WDPCP: variants seen among roughly 807,000 people sequenced by gnomAD.
WDPCP encodes the protein WD repeat-containing and planar cell polarity effector protein fritz homolog.
WDPCP carries 71 observed loss-of-function variants against 93.1 expected under a neutral mutation model. That is an observed-to-expected ratio of 0.76 (90% CI 0.63 to 0.93). The LOEUF is 0.93. WDPCP is among the 40% of genes least tolerant of loss of function. WDPCP has a pLI of 0.00. For missense variants in WDPCP, 844 were observed against 887.4 expected (o/e 0.95, Z 0.62); for synonymous variants, 315 against 315.0 (o/e 1.00, Z 0.00).
At chr2:63,183,873 T>C (rs1674432008) in intron 14 of WDPCP, among the ~76,000 whole-genome samples, 1 of 151,990 alleles carries the variant, frequency 6.6e-6, no homozygotes, top group African/African-American at 2.4e-5. Flanking sequence ...CATTATATAA[T>C]GACTGACTTT....
intron 2 of WDPCP, among the ~76,000 whole-genome samples, chr2:63,676,204 A>T: frequency 6.6e-6 from 1 of 152,234 alleles, no homozygotes; most frequent in East Asian, 1.9e-4. Flanking sequence ...CAAGAATCCA[A>T]AAGAAGAAGA....
chr2:63,436,167 A>T (rs994094237), intron 8 of WDPCP, among the ~76,000 whole-genome samples: 2 of 152,168 alleles, frequency 1.3e-5, no homozygotes, highest in African/African-American at 4.8e-5. Flanking sequence ...GTAAATAAAC[A>T]GTATTTCAAG....
chr2:63,819,263 T>TA (rs1421732534), intron 1 of WDPCP, among the ~76,000 whole-genome samples: 5 of 152,198 alleles, frequency 3.3e-5, no homozygotes, highest in African/African-American at 1.2e-4. Flanking sequence ...GGGCTGTTAT[T>TA]AGGATTAAAA....
At chr2:63,145,799 G>A (rs1315794176) in intron 17 of WDPCP, among the ~76,000 whole-genome samples, 1 of 152,178 alleles carries the variant, frequency 6.6e-6, no homozygotes, top group Non-Finnish European at 1.5e-5. Flanking sequence ...GCTCTGGGTA[G>A]TATGGCCATT....
intron 15 of WDPCP, among the ~76,000 whole-genome samples, chr2:63,162,042 T>C (rs964344263): frequency 6.6e-6 from 1 of 152,186 alleles, no homozygotes; most frequent in African/African-American, 2.4e-5. Flanking sequence ...AATGCTGGGA[T>C]TACTGGCGTG....
chr2:63,806,625 G>A (rs893201169), intron 2 of WDPCP, among the ~76,000 whole-genome samples: 1 of 152,114 alleles, frequency 6.6e-6, no homozygotes, highest in Admixed American at 6.6e-5. Context: ...GAGTCTATCT[G>A]ACCTCTGCAG....
chr2:63,702,378 AC>A (rs1242850439), intron 2 of WDPCP, among the ~76,000 whole-genome samples: 2 of 152,212 alleles, frequency 1.3e-5, no homozygotes, highest in Non-Finnish European at 2.9e-5. Context: ...ATTGATCTTT[AC>A]AAATTATATA....
At chr2:63,674,726 A>G (rs536499778) in intron 2 of WDPCP, among the ~76,000 whole-genome samples, 3 of 152,330 alleles carry the variant, frequency 2.0e-5, no homozygotes, top group South Asian at 2.1e-4. Flanking sequence ...ACAAAAAAAA[A>G]AAAGCATTCA....
chr2:63,495,792 G>GA (rs933523934), intron 1 of WDPCP, among the ~76,000 whole-genome samples: 2 of 151,914 alleles, frequency 1.3e-5, no homozygotes, highest in African/African-American at 4.8e-5. Flanking sequence ...AATTTGTATG[G>GA]AAAAAAATAA....
At chr2:63,158,539 C>A (rs1179490568) in intron 15 of WDPCP, among the ~76,000 whole-genome samples, 1 of 151,996 alleles carries the variant, frequency 6.6e-6, no homozygotes, top group Non-Finnish European at 1.5e-5. Context: ...TTTAGTAATT[C>A]TTTAGTAACA....
chr2:63,410,127 G>A (rs2105254387), intron 9 of WDPCP, among the ~76,000 whole-genome samples: 2 of 152,230 alleles, frequency 1.3e-5, no homozygotes, highest in Middle Eastern at 6.8e-3. Flanking sequence ...AGAAGCACGT[G>A]GTAACCTAAA....
intron 14 of WDPCP, among the ~76,000 whole-genome samples, chr2:63,201,181 T>C (rs1338354326): frequency 6.6e-6 from 1 of 152,150 alleles, no homozygotes; most frequent in African/African-American, 2.4e-5. Flanking sequence ...CTTCACTCTC[T>C]TCCTCCTGCT....
intron 2 of WDPCP, among the ~76,000 whole-genome samples, chr2:63,800,336 C>T (rs564338541): frequency 1.1e-4 from 17 of 152,258 alleles, no homozygotes; most frequent in Non-Finnish European, 1.9e-4. Context: ...CTGGTTCTTG[C>T]ACAGTGGAAG....
chr2:63,239,073 G>A (rs1257671658), intron 14 of WDPCP, among the ~76,000 whole-genome samples: 2 of 152,204 alleles, frequency 1.3e-5, no homozygotes, highest in African/African-American at 4.8e-5. Flanking sequence ...AATACTTTGA[G>A]TTGCTGACAT....
chr2:63,149,623 G>A (rs773202842), intron 17 of WDPCP, among the ~76,000 whole-genome samples: 8 of 152,122 alleles, frequency 5.3e-5, no homozygotes, highest in Non-Finnish European at 1.2e-4. Flanking sequence ...TGAATAAATT[G>A]TATTCAGTCG....
At chr2:63,351,721 G>T (rs1689632129) in intron 12 of WDPCP, among the ~76,000 whole-genome samples, 1 of 152,170 alleles carries the variant, frequency 6.6e-6, no homozygotes, top group South Asian at 2.1e-4. Context: ...GAATAGTGCG[G>T]TGATGAACAC....
intron 3 of WDPCP, among the ~76,000 whole-genome samples, chr2:63,625,784 T>C (rs1468538041): frequency 9.2e-5 from 14 of 152,194 alleles, no homozygotes; most frequent in Admixed American, 9.2e-4. Flanking sequence ...ATAGATTCAA[T>C]GCTATCCCCA....
intron 10 of WDPCP, among the ~76,000 whole-genome samples, chr2:63,403,548 A>T (rs1694313706): frequency 6.6e-6 from 1 of 152,230 alleles, no homozygotes; most frequent in Non-Finnish European, 1.5e-5. Context: ...AGAGAAACTA[A>T]AAGTTATACA....
chr2:63,484,820 A>G, intron 5 of WDPCP, 97 bp downstream of exon 5: 2 of 1,496,086 alleles, frequency 1.3e-6, no homozygotes, highest in South Asian at 2.3e-5. Flanking sequence ...AGCTATCATC[A>G]CCATGAGAGT....
Sources: allele counts gnomAD v4.1 joint callset (sites outside exome capture counted in the v4.1 genomes callset), GRCh38; gene constraint gnomAD v4.1.1; transcripts MANE v1.5; gene names NCBI Gene and HGNC (gene_info 2026-07-23, HGNC 2026-07-21).